The following RBFOX1 variants were observed in gnomAD, a reference collection of about 807,000 sequenced individuals.
The protein encoded by RBFOX1 is RNA binding fox-1 homolog 1.
Under a neutral mutation model 57.7 loss-of-function variants are expected in RBFOX1, and 8 were observed. The observed-to-expected ratio is 0.14, with a 90% confidence interval of 0.08 to 0.25. RBFOX1 has a LOEUF of 0.25. Among genes scored for constraint, RBFOX1 ranks in the 10% least tolerant of loss-of-function variants. RBFOX1 has a pLI of 1.00. For missense variants in RBFOX1, 611 were observed against 548.5 expected (o/e 1.11, Z -1.14); for synonymous variants, 326 against 222.4 (o/e 1.47, Z -4.15).
At chr16:7,535,971 G>A (rs1239490089) in intron 5 of RBFOX1, among the ~76,000 whole-genome samples, 2 of 152,194 alleles carry the variant, frequency 1.3e-5, no homozygotes, top group African/African-American at 4.8e-5. Context: ...ATACAAGAGT[G>A]AATAAGACAG....
intron 14 of RBFOX1, among the ~76,000 whole-genome samples, chr16:7,703,802 C>T (rs951195864): frequency 6.6e-6 from 1 of 152,174 alleles, no homozygotes; most frequent in African/African-American, 2.4e-5. Context: ...TAAGTATATC[C>T]ATTTGAACTA....
chr16:5,873,489 A>C (rs915911282), intron 4 of RBFOX1, among the ~76,000 whole-genome samples: 2 of 152,178 alleles, frequency 1.3e-5, no homozygotes, highest in African/African-American at 2.4e-5. Context: ...ACTCTAAACA[A>C]TCATGTGGTC....
intron 3 of RBFOX1, among the ~76,000 whole-genome samples, chr16:6,799,565 G>A (rs2084874724): frequency 6.6e-6 from 1 of 152,088 alleles, no homozygotes; most frequent in Non-Finnish European, 1.5e-5. Context: ...TGTCAGAGGA[G>A]ATAAACACCT....
At chr16:6,598,345 C>T (rs2097799682) in intron 2 of RBFOX1, among the ~76,000 whole-genome samples, 1 of 151,900 alleles carries the variant, frequency 6.6e-6, no homozygotes, top group Admixed American at 6.6e-5. Flanking sequence ...ATGTATGGAC[C>T]TGATTTATTT....
chr16:6,550,036 T>C (rs1286273505), intron 2 of RBFOX1, among the ~76,000 whole-genome samples: 2 of 152,178 alleles, frequency 1.3e-5, no homozygotes, highest in African/African-American at 4.8e-5. Context: ...ACCCAAGAAG[T>C]GGACACCATT....
chr16:7,121,970 T>G lies in RBFOX1; in HGVS notation c.27+69872T>G, dbSNP rs531222982. Among the ~76,000 whole-genome samples, 4 of 152,176 alleles carry G rather than the reference T, an allele frequency of 2.6e-5. 1 individual carries two copies. The highest frequency in any genetic ancestry group is 4.1e-4 in the South Asian group (2 of 4,832). On this transcript the variant is annotated intron_variant, in intron 4 of 15. Coordinates refer to ENST00000550418, the MANE Select transcript of RBFOX1 (RefSeq NM_018723.4). ...TGGTGTTGGAATAATTGCAAACACA[T>G]TTGCCAAATCATATGCTTTACAAAA...
chr16:6,952,577 G>A lies in RBFOX1; in HGVS notation c.-15-99480G>A, dbSNP rs576722402. On this transcript the variant is annotated intron_variant, in intron 3 of 15. Coordinates refer to ENST00000550418, the MANE Select transcript of RBFOX1 (RefSeq NM_018723.4). ...CACTTAGGCCTGGGAGATCAAGGCT[G>A]CAGTGAGCCATGATCATGCCACTGG... Among the ~76,000 whole-genome samples the A allele has an allele frequency of 5.8e-4, 88 of 152,154 alleles. 1 individual carries two copies. The highest frequency in any genetic ancestry group is 2.1e-3 in the African/African-American group (87 of 41,508).
intron 4 of RBFOX1, among the ~76,000 whole-genome samples, chr16:5,963,315 C>G (rs1437405379): frequency 1.3e-5 from 2 of 152,162 alleles, no homozygotes; most frequent in Non-Finnish European, 2.9e-5. Flanking sequence ...GAGCAGTTAT[C>G]ATTCCCACCA....
chr16:6,892,592 C>T (rs1047403415), intron 3 of RBFOX1, among the ~76,000 whole-genome samples: 7 of 152,088 alleles, frequency 4.6e-5, no homozygotes, highest in African/African-American at 1.7e-4. Context: ...ATCACTTGAA[C>T]CTGGGAAATG....
intron 2 of RBFOX1, among the ~76,000 whole-genome samples, chr16:5,552,545 A>G (rs2045505665): frequency 1.3e-5 from 2 of 152,324 alleles, no homozygotes; most frequent in South Asian, 4.1e-4. Flanking sequence ...AAGTGGTTAG[A>G]AGCCTGGCTT....
chr16:7,580,036 A>T, intron 6 of RBFOX1, 116 bp downstream of exon 6: 6 of 1,140,636 alleles, frequency 5.3e-6, no homozygotes, highest in Non-Finnish European at 7.5e-6. Context: ...ATGGGGAGAA[A>T]CAATTTAGAG....
At chr16:5,639,737 G>A (rs1222395980) in intron 3 of RBFOX1, among the ~76,000 whole-genome samples, 2 of 152,164 alleles carry the variant, frequency 1.3e-5, no homozygotes, top group African/African-American at 2.4e-5. Flanking sequence ...CATTTGGGCG[G>A]AACAAGATGA....
chr16:5,830,656 T>C (rs552281756), intron 3 of RBFOX1, among the ~76,000 whole-genome samples: 27 of 152,314 alleles, frequency 1.8e-4, no homozygotes, highest in Admixed American at 1.3e-3. Flanking sequence ...AGGATGATCT[T>C]TGAGGCCAGA....
intron 3 of RBFOX1, among the ~76,000 whole-genome samples, chr16:6,659,233 G>C (rs1289244724): frequency 2.4e-4 from 1 of 4,228 alleles, no homozygotes; most frequent in Non-Finnish European, 3.8e-4. Context: ...GAGGAGACGA[G>C]AGCCCATTTT....
chr16:6,386,891 G>C (rs1314697663), intron 2 of RBFOX1, among the ~76,000 whole-genome samples: 1 of 152,174 alleles, frequency 6.6e-6, no homozygotes, highest in Non-Finnish European at 1.5e-5. Context: ...GAGCTGGAAA[G>C]ATATTGGATT....
At chr16:6,439,049 C>G (rs1004259544) in intron 2 of RBFOX1, among the ~76,000 whole-genome samples, 6 of 152,076 alleles carry the variant, frequency 3.9e-5, no homozygotes, top group African/African-American at 1.4e-4. Flanking sequence ...GAAACTGACC[C>G]CAGTTGAAAA....
At chr16:5,682,104 T>C (rs530011166) in intron 3 of RBFOX1, among the ~76,000 whole-genome samples, 2 of 152,338 alleles carry the variant, frequency 1.3e-5, no homozygotes, top group African/African-American at 4.8e-5. Flanking sequence ...CAGTTGGGTT[T>C]CAGATTGCCG....
chr16:7,559,171 G>T (rs1170375141), intron 5 of RBFOX1, among the ~76,000 whole-genome samples: 1 of 152,186 alleles, frequency 6.6e-6, no homozygotes, highest in Non-Finnish European at 1.5e-5. Context: ...GAATGGAAAA[G>T]TAGGTTTGTA....
At chr16:6,602,635 T>G (rs2097867267) in intron 2 of RBFOX1, among the ~76,000 whole-genome samples, 2 of 152,202 alleles carry the variant, frequency 1.3e-5, no homozygotes, top group African/African-American at 4.8e-5. Context: ...TCCATTTGGC[T>G]CATCTCCAAG....
Sources: allele counts gnomAD v4.1 joint callset (sites outside exome capture counted in the v4.1 genomes callset), GRCh38; gene constraint gnomAD v4.1.1; transcripts MANE v1.5; gene names NCBI Gene and HGNC (gene_info 2026-07-23, HGNC 2026-07-21).